The following CAPN13 variants were observed in gnomAD, a reference collection of about 807,000 sequenced individuals.
CAPN13 encodes calpain 13, also known as calpain-13.
Under a neutral mutation model 98.4 loss-of-function variants are expected in CAPN13, and 90 were observed. That is an observed-to-expected ratio of 0.92 (90% CI 0.77 to 1.09). The LOEUF (loss-of-function observed/expected upper bound fraction) is 1.09. Among genes scored for constraint, CAPN13 ranks in the 50% least tolerant of loss-of-function variants. The probability of loss-of-function intolerance (pLI) is 0.00; values close to 1 mark genes in which losing one functional copy is unlikely to be tolerated. For synonymous variants in CAPN13, 330 were observed against 305.5 expected (o/e 1.08, Z -0.84); for missense variants, 887 against 841.3 (o/e 1.05, Z -0.67).
chr2:30,758,581 T>A (rs1672583023), intron 7 of CAPN13, among the ~76,000 whole-genome samples: 1 of 152,034 alleles, frequency 6.6e-6, no homozygotes, highest in African/African-American at 2.4e-5. Flanking sequence ...TATGGTGCAG[T>A]CTCAACAGCA....
chr2:30,793,423 G>C (rs1674702992), intron 1 of CAPN13, among the ~76,000 whole-genome samples: 1 of 151,488 alleles, frequency 6.6e-6, no homozygotes, highest in Non-Finnish European at 1.5e-5. Flanking sequence ...ATAAAACATT[G>C]CTGAGAAAAA....
intron 22 of CAPN13, among the ~76,000 whole-genome samples, chr2:30,729,053 A>G (rs6748488): frequency 0.41 from 61,756 of 151,916 alleles, 12,589 homozygotes; most frequent in East Asian, 0.51. Flanking sequence ...TTTAGTATTC[A>G]GAAGACAGAA....
chr2:30,782,757 C>G (rs7594957), intron 2 of CAPN13, among the ~76,000 whole-genome samples: 50,734 of 152,090 alleles, frequency 0.33, 10,941 homozygotes, highest in African/African-American at 0.61. Context: ...AGTAAAACGT[C>G]TTTTACTATA....
chr2:30,726,459 A>ATGACTTT, intron 22 of CAPN13, among the ~76,000 whole-genome samples: 1 of 152,230 alleles, frequency 6.6e-6, no homozygotes, highest in East Asian at 1.9e-4. Context: ...TGCAGATTAC[A>ATGACTTT]TGACTTTTGA....
At chr2:30,743,796 T>C (rs778453825) in intron 12 of CAPN13, 8 of 670,858 alleles carry the variant, frequency 1.2e-5, no homozygotes, top group Non-Finnish European at 2.2e-5. Context: ...TGCAAGGAAA[T>C]ACCACACACA....
At chr2:30,725,780 T>C (rs923428076) in intron 22 of CAPN13, among the ~76,000 whole-genome samples, 1 of 152,094 alleles carries the variant, frequency 6.6e-6, no homozygotes, top group African/African-American at 2.4e-5. Flanking sequence ...TTGGATAGAG[T>C]TGAAGTGACC....
intron 4 of CAPN13, 46 bp from the exon 5 acceptor site, chr2:30,770,495 G>A (rs1056109226): frequency 1.3e-6 from 2 of 1,597,512 alleles, no homozygotes; most frequent in Non-Finnish European, 8.6e-7. Flanking sequence ...GAGGCAGAAG[G>A]GAGCTCCTGG....
At chr2:30,785,394 C>G (rs761470263) in intron 2 of CAPN13, among the ~76,000 whole-genome samples, 11 of 152,150 alleles carry the variant, frequency 7.2e-5, no homozygotes, top group Non-Finnish European at 1.3e-4. Context: ...GTCTTGTCAA[C>G]TGTGATAAGA....
At chr2:30,759,878 G>T (rs1170205698) in intron 7 of CAPN13, among the ~76,000 whole-genome samples, 1 of 152,168 alleles carries the variant, frequency 6.6e-6, no homozygotes, top group Non-Finnish European at 1.5e-5. Flanking sequence ...GCATTGCTGT[G>T]CAGGAGCCGC....
Position 30,736,527 on chromosome 2 carries a change from C to T in CAPN13, c.1698G>A (p.Leu566=). ...GRLDQEEFAR[L]WKRLVHYQHV... ...CCTGGTAGTGAACAAGGCGCTTCCA[C>T]AGTCGCGCAAACTCCTCTTGGTCTA... Residue 566 remains leucine (L), a synonymous_variant, in exon 18 of 23, where the codon CTG becomes CTA. Coordinates refer to ENST00000295055, the MANE Select transcript of CAPN13 (RefSeq NM_144575.3). 6.2e-7 allele frequency: 1 copy of T among 1,614,022 alleles called. No individual in the cohort carries two copies. Among genetic ancestry groups the T allele is most frequent in the South Asian group, 1.1e-5 (1 of 91,084 alleles).
At chr2:30,801,386 C>T (rs1359443315) in intron 1 of CAPN13, among the ~76,000 whole-genome samples, 6 of 151,610 alleles carry the variant, frequency 4.0e-5, no homozygotes, top group African/African-American at 9.7e-5. Context: ...GAGGGTGAGG[C>T]GGGTGGATCA....
chr2:30,770,497 A>G (rs753364010), intron 4 of CAPN13, 48 bp from the exon 5 acceptor site: 20 of 1,597,520 alleles, frequency 1.3e-5, no homozygotes, highest in Non-Finnish European at 1.7e-5. Flanking sequence ...GGCAGAAGGG[A>G]GCTCCTGGGT....
At chr2:30,755,932 G>A (rs778372747) in intron 8 of CAPN13, among the ~76,000 whole-genome samples, 45 of 152,120 alleles carry the variant, frequency 3.0e-4, no homozygotes, top group African/African-American at 9.6e-4. Context: ...TAGACCATCC[G>A]GTGCTCTCCA....
chr2:30,756,243 C>T (rs1207431702), intron 8 of CAPN13, among the ~76,000 whole-genome samples: 3 of 152,186 alleles, frequency 2.0e-5, no homozygotes, highest in Middle Eastern at 3.2e-3. Context: ...CACTCTCTCT[C>T]CCAGTTTCCT....
chr2:30,793,896 T>C lies in CAPN13; in HGVS notation c.-32-6539A>G, dbSNP rs532373700. On this transcript the variant is annotated intron_variant, in intron 1 of 22. Coordinates refer to ENST00000295055, the MANE Select transcript of CAPN13 (RefSeq NM_144575.3). Reference sequence around the variant, plus strand: ...TAAATGGGAAAAGTACAAACAAACATGGATCTTACTTCACACCACACACAA... The same window carrying C: ...TAAATGGGAAAAGTACAAACAAACACGGATCTTACTTCACACCACACACAA... Among the ~76,000 whole-genome samples the C allele has an allele frequency of 2.1e-3, 326 of 151,848 alleles. 2 individuals carry two copies. The highest frequency in any genetic ancestry group is 4.9e-3 in the Admixed American group (75 of 15,258).
intron 7 of CAPN13, among the ~76,000 whole-genome samples, chr2:30,760,723 G>C (rs568128104): frequency 2.0e-5 from 3 of 152,326 alleles, no homozygotes; most frequent in African/African-American, 7.2e-5. Flanking sequence ...AGTCAAGTTC[G>C]TGAGCCCTTG....
chr2:30,770,171 G>T, intron 5 of CAPN13, 142 bp downstream of exon 5: 1 of 1,143,248 alleles, frequency 8.7e-7, no homozygotes, highest in Non-Finnish European at 1.2e-6. Context: ...CCCCAACATG[G>T]ACCTTTGCAC....
At chr2:30,755,874 A>T (rs988129213) in intron 8 of CAPN13, among the ~76,000 whole-genome samples, 4 of 147,302 alleles carry the variant, frequency 2.7e-5, no homozygotes, top group Non-Finnish European at 6.1e-5. Context: ...GATTCATGCA[A>T]GTTTGCCTTT....
intron 1 of CAPN13, among the ~76,000 whole-genome samples, chr2:30,800,161 A>G (rs1218551907): frequency 1.3e-5 from 2 of 151,494 alleles, no homozygotes; most frequent in Non-Finnish European, 1.5e-5. Context: ...AGAAAGAAAG[A>G]AAGAAAGAAA....
Sources: gnomAD v4.1 joint callset for allele counts (sites outside exome capture counted in the v4.1 genomes callset) on GRCh38, gnomAD v4.1.1 for gene constraint, MANE v1.5 for transcripts, NCBI Gene and HGNC (gene_info 2026-07-23, HGNC 2026-07-21) for gene names.